Variants in GRM6 observed in about 807,000 individuals in gnomAD.
The protein encoded by GRM6 is metabotropic glutamate receptor 6.
Under a neutral mutation model 78.4 loss-of-function variants are expected in GRM6, and 73 were observed. The ratio of observed to expected loss-of-function variants is 0.93; its 90% confidence interval spans 0.77 to 1.13. The LOEUF (loss-of-function observed/expected upper bound fraction) is 1.13, where lower values mean the gene tolerates loss of function less well. Ranked by LOEUF, GRM6 falls within the 50% of genes most tolerant of loss-of-function variation. The probability of loss-of-function intolerance (pLI) is 0.00; values close to 1 mark genes in which losing one functional copy is unlikely to be tolerated. For missense variants in GRM6, 1,251 were observed against 1,256.4 expected, an observed-to-expected ratio of 1.00 and a Z score of 0.07; for synonymous variants, 580 against 555.0, an observed-to-expected ratio of 1.05 and a Z score of -0.63.
chr5:178,980,012 A>G lies in GRM6; in HGVS notation c.*1645T>C, dbSNP rs1306022942. On this transcript the variant is annotated 3_prime_UTR_variant, in exon 11 of 11. Transcript: ENST00000517717. The surrounding 1 kb of genome is among the most constrained non-coding windows in gnomAD (Gnocchi z 4.3). The stretch of plus-strand genomic sequence containing the variant: ...CTAATGTGCACTATAGAGAAGCCCT[A>G]GGAACACAACAAATGTGGAGAAGGA... 1.3e-5 allele frequency: 2 copies of G among 154,358 alleles called. No homozygotes were observed. The highest frequency in any genetic ancestry group is 4.8e-5 in the African/African-American group (2 of 41,468). 9.6% of individuals were successfully genotyped at this position (154,358 alleles called of 1,614,324 possible). A position where few individuals can be genotyped will look rare whatever the true frequency, so the allele number is the denominator to read the frequency against.
chr5:178,993,908 C>T (rs1760727036), intron 2 of GRM6, among the ~76,000 whole-genome samples: 1 of 152,176 alleles, frequency 6.6e-6, no homozygotes, highest in Non-Finnish European at 1.5e-5. Flanking sequence ...GAGTTCAAGG[C>T]ATTTTGAAAA....
In GRM6 at chr5:178,988,177, G is replaced by A. The variant is rs1318018783; in HGVS notation, c.1354+758C>T. On this transcript the variant is annotated intron_variant, in intron 7 of 10. Coordinates refer to ENST00000517717, the MANE Select transcript of GRM6 (RefSeq NM_000843.4). The surrounding 1 kb of genome is among the most constrained non-coding windows in gnomAD (Gnocchi z 6.0). Reference sequence around the variant, plus strand: ...AAAAAGTTTCACTGTCCAGGCGAGAGGATGAGTTCAGACACGGAGAGAGGT... The same window carrying A: ...AAAAAGTTTCACTGTCCAGGCGAGAAGATGAGTTCAGACACGGAGAGAGGT... Among the ~76,000 whole-genome samples the A allele has an allele frequency of 6.6e-6, 1 of 152,156 alleles. No homozygotes were observed. The highest frequency in any genetic ancestry group is 1.5e-5 in the Non-Finnish European group (1 of 68,032).
intron 9 of GRM6, chr5:178,985,119 C>T (rs896062290): frequency 9.0e-5 from 29 of 321,566 alleles, no homozygotes; most frequent in Middle Eastern, 8.4e-4. Context: ...AATGTTGGAC[C>T]CTGTGCCTCT....
chr5:178,994,709 A>G lies in GRM6; in HGVS notation c.236T>C (p.Val79Ala). The change falls in exon 2 of 11, where the codon GTC (valine) becomes GCC (alanine). Residue 79 changes from valine (V) to alanine (A), a missense_variant. Physicochemically the swap from Val to Ala is moderately conservative, Grantham distance 64 (BLOSUM62 0). Transcript: ENST00000517717. ...LEAMLYALDR[V>A]NADPELLPGV... The stretch of plus-strand genomic sequence containing the variant: ...GGGCAGCAGCTCGGGGTCGGCGTTG[A>G]CGCGGTCCAGCGCGTACAGCATGGC... 6.8e-7 allele frequency: 1 copy of G among 1,468,724 alleles called. No homozygotes were observed. The highest frequency in any genetic ancestry group is 9.0e-7 in the Non-Finnish European group (1 of 1,112,814). The allele number at this position is 1,468,724 out of a possible 1,614,324, so 91.0% of individuals were successfully genotyped here. A position where few individuals can be genotyped will look rare whatever the true frequency, so the allele number is the denominator to read the frequency against.
At chr5:178,983,293 C>T in intron 9 of GRM6, 72 bp from the exon 10 acceptor site, 1 of 1,355,358 alleles carries the variant, frequency 7.4e-7, no homozygotes, top group Non-Finnish European at 1.0e-6. Context: ...GACAGAGGCC[C>T]CTGCGGGTCA....
At position 178,991,568 on chromosome 5, in the gene GRM6, T is replaced by G; in HGVS notation, c.722-9A>C. 1 of 1,613,734 alleles carries G rather than the reference T, an allele frequency of 6.2e-7. No individual in the cohort carries two copies. The highest frequency in any genetic ancestry group is 8.5e-7 in the Non-Finnish European group (1 of 1,179,770). ...GGCAATACAGACCCCCCCTGGGCGTTGGGGGTGCCAGAGTCAGCTTCCGTC... is the reference window on the plus strand; with the variant it reads ...GGCAATACAGACCCCCCCTGGGCGTGGGGGGTGCCAGAGTCAGCTTCCGTC... On this transcript the variant is annotated splice_polypyrimidine_tract_variant and intron_variant, in intron 3 of 10. Coordinates refer to ENST00000517717, the MANE Select transcript of GRM6 (RefSeq NM_000843.4). The surrounding 1 kb of genome is among the most constrained non-coding windows in gnomAD (Gnocchi z 5.0).
In GRM6 at chr5:178,986,179, A is replaced by G. The variant is rs750627012; in HGVS notation, c.2075T>C (p.Ile692Thr). 4 of 1,614,028 alleles carry G rather than the reference A, an allele frequency of 2.5e-6. No individual in the cohort carries two copies. The highest frequency in any genetic ancestry group is 3.4e-6 in the Non-Finnish European group (4 of 1,179,942). ...GATGACCAGCTGTGAGGTGGGGCTG[A>G]TGAAGGGAGGGGGTGTGACCGAGCG... ...GKRSVTPPPFISPTSQLVITF... is the reference protein window; with the variant it reads ...GKRSVTPPPFTSPTSQLVITF... Residue 692 changes from isoleucine (I) to threonine (T), a missense_variant, in exon 9 of 11, where the codon ATC becomes ACC. Transcript: ENST00000517717.
In GRM6 at chr5:178,991,565, C is replaced by T. The variant is rs759736998; in HGVS notation, c.722-6G>A. The T allele has an allele frequency of 2.0e-5, 32 of 1,613,772 alleles. No individual in the cohort carries two copies. The highest frequency in any genetic ancestry group is 6.7e-5 in the East Asian group (3 of 44,864). ...CTGGGCAATACAGACCCCCCCTGGG[C>T]GTTGGGGGTGCCAGAGTCAGCTTCC... On this transcript the variant is annotated splice_polypyrimidine_tract_variant and splice_region_variant and intron_variant, in intron 3 of 10. Transcript: ENST00000517717. The surrounding 1 kb of genome is among the most constrained non-coding windows in gnomAD (Gnocchi z 5.0).
chr5:178,982,939 A>G lies in GRM6; in HGVS notation c.2407T>C (p.Phe803Leu), dbSNP rs1760428194. Reference sequence around the variant, plus strand: ...TCAGCTGACTGGGCAGTGCCAAAGAAGATGGGCACGAATGCCAGCCAGATG... The same window carrying G: ...TCAGCTGACTGGGCAGTGCCAAAGAGGATGGGCACGAATGCCAGCCAGATG... ...CIIWLAFVPI[F>L]FGTAQSAEKI... Residue 803 changes from phenylalanine (F) to leucine (L), a missense_variant, in exon 10 of 11, where the codon TTC becomes CTC. Coordinates refer to ENST00000517717, the MANE Select transcript of GRM6 (RefSeq NM_000843.4). 6.2e-7 allele frequency: 1 copy of G among 1,613,960 alleles called. No homozygotes were observed. Among genetic ancestry groups the G allele is most frequent in the African/African-American group, 1.3e-5 (1 of 74,932 alleles).
chr5:178,993,651 A>T (rs972665857), intron 2 of GRM6, among the ~76,000 whole-genome samples: 36 of 152,286 alleles, frequency 2.4e-4, no homozygotes, highest in African/African-American at 7.5e-4. Context: ...ACAGAACCCC[A>T]GAAAAACTGT....
intron 9 of GRM6, 111 bp from the exon 10 acceptor site, chr5:178,983,332 G>GCATCCCCTCCATA: frequency 1.1e-6 from 1 of 933,508 alleles, no homozygotes; most frequent in Non-Finnish European, 1.7e-6. Flanking sequence ...GGCCTATGGA[G>GCATCCCCTCCATA]GGGATGCTCC....
intron 5 of GRM6, 88 bp from the exon 6 acceptor site, chr5:178,989,493 C>G (rs977573506): frequency 3.5e-5 from 54 of 1,544,270 alleles, no homozygotes; most frequent in Non-Finnish European, 4.6e-5. Context: ...TCACTTTCAG[C>G]TAGGAGTGGC....
At chr5:178,990,828 TC>T in intron 4 of GRM6, 82 bp from the exon 5 acceptor site, 2 of 1,131,254 alleles carry the variant, frequency 1.8e-6, no homozygotes, top group South Asian at 1.5e-5. Context: ...TCTATCCATC[TC>T]CCCTGCTCTA....
At position 178,992,164 on chromosome 5, in the gene GRM6, G is replaced by C; in HGVS notation, c.505-81C>G. 1.1e-6 allele frequency: 1 copy of C among 917,728 alleles called. No individual in the cohort carries two copies. Among genetic ancestry groups the C allele is most frequent in the Non-Finnish European group, 1.7e-6 (1 of 572,218 alleles). 56.8% of individuals were successfully genotyped at this position (917,728 alleles called of 1,614,324 possible). On this transcript the variant is annotated intron_variant, in intron 2 of 10. Transcript: ENST00000517717. The surrounding 1 kb of genome is among the most constrained non-coding windows in gnomAD (Gnocchi z 4.9). ...GGAGGGTAAGGGGGGCCCAGGACAC[G>C]GACGGGGCACAGAAGGTGTGTGGCA...
At chr5:178,983,986 G>A (rs1387183916) in intron 9 of GRM6, among the ~76,000 whole-genome samples, 1 of 152,224 alleles carries the variant, frequency 6.6e-6, no homozygotes, top group Non-Finnish European at 1.5e-5. Context: ...CTGGAGCAGG[G>A]CCATGTGATC....
At chr5:178,985,898 A>G (rs1340638851) in intron 9 of GRM6, 5 of 575,176 alleles carry the variant, frequency 8.7e-6, no homozygotes, top group Non-Finnish European at 1.2e-5. Context: ...AGTAGCTAGG[A>G]CTACAGGCAC....
At chr5:178,984,581 C>A (rs887353059) in intron 9 of GRM6, among the ~76,000 whole-genome samples, 1 of 152,092 alleles carries the variant, frequency 6.6e-6, no homozygotes, top group African/African-American at 2.4e-5. Context: ...TGGGGGTCCC[C>A]AACGGGGTCT....
chr5:178,985,906 C>T (rs1002144977), intron 9 of GRM6: 5 of 580,882 alleles, frequency 8.6e-6, no homozygotes, highest in African/African-American at 1.9e-5. Context: ...GGACTACAGG[C>T]ACGCACCACC....
At chr5:178,994,358 A>C (rs1333362442) in intron 2 of GRM6, 83 bp downstream of exon 2, 2 of 1,194,496 alleles carry the variant, frequency 1.7e-6, no homozygotes, top group Non-Finnish European at 2.2e-6. Flanking sequence ...TTTCAGAAGA[A>C]GTAAAGGAAG....
Sources: gnomAD v4.1 joint callset for allele counts (sites outside exome capture counted in the v4.1 genomes callset) on GRCh38, gnomAD v4.1.1 for gene constraint, Gnocchi (gnomAD v3.1) non-coding constraint, MANE v1.5 for transcripts, NCBI Gene and HGNC (gene_info 2026-07-23, HGNC 2026-07-21) for gene names.